Variants in RNF32 observed in about 807,000 individuals in gnomAD.
The protein encoded by RNF32 is ring finger protein 32.
In RNF32, 36 loss-of-function variants were observed where a neutral mutation model predicts 41.0. That is an observed-to-expected ratio of 0.88 (90% confidence interval 0.67 to 1.16). RNF32 has a LOEUF of 1.16. RNF32 is among the 50% of genes most tolerant of loss of function. The pLI, the probability that RNF32 is intolerant of heterozygous loss-of-function variation, is 0.00. For missense variants in RNF32, 413 were observed against 436.7 expected, an observed-to-expected ratio of 0.95 and a Z score of 0.48; for synonymous variants, 154 against 160.9, an observed-to-expected ratio of 0.96 and a Z score of 0.32.
intron 7 of RNF32, chr7:156,660,293 AT>A (rs1442235171): frequency 2.0e-6 from 2 of 983,832 alleles, no homozygotes; most frequent in Non-Finnish European, 2.4e-6. Flanking sequence ...CCTCTATTGT[AT>A]GTTTAAACAA....
rs916283086 is a variant in RNF32, at chr7:156,670,336, T to A, written c.685-5360T>A. On this transcript the variant is annotated intron_variant, in intron 7 of 8. Coordinates refer to ENST00000317955, the MANE Select transcript of RNF32 (RefSeq NM_030936.4). This position sits in a 1 kb window ranked among gnomAD's most constrained non-coding sequence, Gnocchi z 4.3. ...GCCTTCAGCTCACTGAGGAGTCAGGTCTGCAAGGGGGGCCCTGCGTTTTGC... is the reference window on the plus strand; with the variant it reads ...GCCTTCAGCTCACTGAGGAGTCAGGACTGCAAGGGGGGCCCTGCGTTTTGC... Among the ~76,000 whole-genome samples the A allele has an allele frequency of 6.6e-6, 1 of 152,162 alleles. No homozygotes were observed. Among genetic ancestry groups the A allele is most frequent in the African/African-American group, 2.4e-5 (1 of 41,448 alleles).
intron 7 of RNF32, among the ~76,000 whole-genome samples, chr7:156,673,917 A>AAAAAG (rs1563100293): frequency 8.2e-6 from 1 of 122,312 alleles, no homozygotes. Context: ...AAAAAAAAAA[A>AAAAAG]AAAAAGAAAA....
chr7:156,642,552 A>G (rs1797491224), intron 1 of RNF32, among the ~76,000 whole-genome samples: 1 of 152,234 alleles, frequency 6.6e-6, no homozygotes, highest in Non-Finnish European at 1.5e-5. Flanking sequence ...CTCTGTGTGA[A>G]TACCGTATGC....
chr7:156,666,158 G>GT (rs532750568), intron 7 of RNF32, among the ~76,000 whole-genome samples: 345 of 152,264 alleles, frequency 2.3e-3, no homozygotes, highest in African/African-American at 7.9e-3. Flanking sequence ...ATTAGGAAGT[G>GT]TTTGTTTCCC....
intron 4 of RNF32, among the ~76,000 whole-genome samples, chr7:156,656,596 A>C (rs1396663287): frequency 6.6e-6 from 1 of 152,238 alleles, no homozygotes; most frequent in African/African-American, 2.4e-5. Flanking sequence ...ATTTAAGAAG[A>C]AAAGCATACA....
At chr7:156,651,439 C>A (rs1798727800) in intron 3 of RNF32, among the ~76,000 whole-genome samples, 1 of 152,096 alleles carries the variant, frequency 6.6e-6, no homozygotes, top group African/African-American at 2.4e-5. Flanking sequence ...GTCTCGAACT[C>A]CTGACTTCAG....
intron 7 of RNF32, among the ~76,000 whole-genome samples, chr7:156,664,113 C>G (rs899347265): frequency 5.9e-5 from 9 of 152,206 alleles, no homozygotes; most frequent in Non-Finnish European, 8.8e-5. Context: ...CCAGTGCACA[C>G]GGCACATTGC....
At chr7:156,675,168 G>GT (rs1212325053) in intron 7 of RNF32, among the ~76,000 whole-genome samples, 1 of 152,252 alleles carries the variant, frequency 6.6e-6, no homozygotes, top group Non-Finnish European at 1.5e-5. Flanking sequence ...CGAAGAGACA[G>GT]TAACGCCTGA....
Position 156,670,673 on chromosome 7 carries a change from G to C in RNF32, c.685-5023G>C, listed in dbSNP as rs1802288318. ...CTGGGACCTGCAGATTTCCCAGTGGGAGCGGCAGAAGGTGAGATGGCATCT... is the reference window on the plus strand; with the variant it reads ...CTGGGACCTGCAGATTTCCCAGTGGCAGCGGCAGAAGGTGAGATGGCATCT... On this transcript the variant is annotated intron_variant, in intron 7 of 8. Coordinates refer to ENST00000317955, the MANE Select transcript of RNF32 (RefSeq NM_030936.4). This position sits in a 1 kb window ranked among gnomAD's most constrained non-coding sequence, Gnocchi z 4.3. Among the ~76,000 whole-genome samples, 1 of 152,200 alleles carries C rather than the reference G, an allele frequency of 6.6e-6. No homozygotes were observed.
intron 6 of RNF32, 61 bp downstream of exon 6, chr7:156,658,313 T>A: frequency 1.1e-5 from 17 of 1,597,078 alleles, no homozygotes; most frequent in Non-Finnish European, 1.4e-5. Flanking sequence ...ACAACTAACT[T>A]GTTTTTTGAA....
chr7:156,666,434 G>A (rs544419796), intron 7 of RNF32, among the ~76,000 whole-genome samples: 1 of 152,184 alleles, frequency 6.6e-6, no homozygotes, highest in Non-Finnish European at 1.5e-5. Context: ...ACAAAGTTGT[G>A]TTGCTCTAAG....
chr7:156,646,441 C>G (rs534408039), intron 3 of RNF32: 11 of 1,303,676 alleles, frequency 8.4e-6, no homozygotes, highest in African/African-American at 4.6e-5. Context: ...TCTCCCTTTC[C>G]TCTTCTTATA....
intron 3 of RNF32, among the ~76,000 whole-genome samples, chr7:156,645,679 G>C (rs767781852): frequency 3.9e-5 from 6 of 152,164 alleles, no homozygotes; most frequent in Non-Finnish European, 7.4e-5. Context: ...TTGTGGTTTT[G>C]ATCTTTGTAC....
At chr7:156,675,948 G>A in intron 8 of RNF32, 85 bp downstream of exon 8, 6 of 1,394,888 alleles carry the variant, frequency 4.3e-6, no homozygotes, top group Admixed American at 3.6e-5. Context: ...GGGAGGTCGA[G>A]GACTCACTTT....
chr7:156,673,335 T>C (rs1167750051), intron 7 of RNF32, among the ~76,000 whole-genome samples: 1 of 152,238 alleles, frequency 6.6e-6, no homozygotes, highest in East Asian at 1.9e-4. Flanking sequence ...TGGAGGTAAC[T>C]GTGTATATTT....
intron 3 of RNF32, among the ~76,000 whole-genome samples, chr7:156,649,497 C>T (rs769962093): frequency 1.3e-5 from 2 of 151,972 alleles, no homozygotes; most frequent in African/African-American, 4.8e-5. Context: ...TAGCCTAACA[C>T]GTTTCATTTA....
At position 156,676,707 on chromosome 7, in the gene RNF32, T is replaced by C. The variant is rs7780080; in HGVS notation, c.*52T>C. The C allele has an allele frequency of 2.7e-3, 3,834 of 1,396,896 alleles. 75 individuals carry two copies. In the African/African-American group the frequency reaches 0.044, roughly 16 times the overall value. The allele number at this position is 1,396,896 out of a possible 1,614,324, so 86.5% of individuals were successfully genotyped here. A position where few individuals can be genotyped will look rare whatever the true frequency, so the allele number is the denominator to read the frequency against. On this transcript the variant is annotated 3_prime_UTR_variant, in exon 9 of 9. Transcript: ENST00000317955. ...TTCTGAGGAAAAAAGTTTACCATCATTTTGGATGAACTGCATGAGTTCTGG... is the reference window on the plus strand; with the variant it reads ...TTCTGAGGAAAAAAGTTTACCATCACTTTGGATGAACTGCATGAGTTCTGG...
intron 7 of RNF32, among the ~76,000 whole-genome samples, chr7:156,666,302 T>C (rs1240214419): frequency 6.6e-6 from 1 of 152,232 alleles, no homozygotes; most frequent in African/African-American, 2.4e-5. Flanking sequence ...ACTCCTCTAC[T>C]ACAGGGAGAG....
intron 3 of RNF32, chr7:156,654,142 A>G (rs6978799): frequency 0.39 from 59,384 of 152,312 alleles, 12,053 homozygotes; most frequent in African/African-American, 0.5. Flanking sequence ...TATACAGTCC[A>G]CCATTTGTAT....
Sources: allele counts gnomAD v4.1 joint callset (sites outside exome capture counted in the v4.1 genomes callset), GRCh38; gene constraint gnomAD v4.1.1; non-coding constraint Gnocchi (gnomAD v3.1); transcripts MANE v1.5; gene names NCBI Gene and HGNC (gene_info 2026-07-23, HGNC 2026-07-21).